COX7B2: variants seen among roughly 807,000 people sequenced by gnomAD.
The protein encoded by COX7B2 is cytochrome c oxidase subunit 7B2, mitochondrial.
For synonymous variants in COX7B2, 37 were observed against 32.1 expected (o/e 1.15, Z -0.51); for missense variants, 109 against 95.9 (o/e 1.14, Z -0.57).
intron 2 of COX7B2, among the ~76,000 whole-genome samples, chr4:46,833,579 T>C (rs1236365264): frequency 6.6e-6 from 1 of 152,080 alleles, no homozygotes; most frequent in Non-Finnish European, 1.5e-5. Flanking sequence ...GAAAAATCTA[T>C]AGGAGTGTTT....
intron 2 of COX7B2, among the ~76,000 whole-genome samples, chr4:46,822,375 G>T (rs1320236344): frequency 2.0e-5 from 3 of 147,622 alleles, no homozygotes; most frequent in African/African-American, 7.3e-5. Flanking sequence ...AAAAACTTGA[G>T]GAGATAAAAA....
chr4:46,835,188 A>T, intron 2 of COX7B2, among the ~76,000 whole-genome samples: 1 of 152,172 alleles, frequency 6.6e-6, no homozygotes, highest in East Asian at 1.9e-4. Context: ...GTATGACAGC[A>T]TGACATAAAG....
chr4:46,783,613 T>A (rs1161372651), intron 2 of COX7B2, among the ~76,000 whole-genome samples: 1 of 152,200 alleles, frequency 6.6e-6, no homozygotes, highest in African/African-American at 2.4e-5. Context: ...TTCTGTTTAC[T>A]TAAAGCTTTC....
intron 2 of COX7B2, among the ~76,000 whole-genome samples, chr4:46,801,321 A>C (rs1370896372): frequency 6.6e-6 from 1 of 152,186 alleles, no homozygotes; most frequent in Admixed American, 6.5e-5. Context: ...TAGCAAAGAC[A>C]GGGAATCGAC....
chr4:46,903,701 C>A (rs959050205), intron 1 of COX7B2, among the ~76,000 whole-genome samples: 2 of 152,134 alleles, frequency 1.3e-5, no homozygotes, highest in Non-Finnish European at 2.9e-5. Context: ...TGTTTAACTA[C>A]ACAAATACTG....
At chr4:46,806,188 C>A (rs987116209) in intron 2 of COX7B2, among the ~76,000 whole-genome samples, 2 of 151,982 alleles carry the variant, frequency 1.3e-5, no homozygotes, top group Non-Finnish European at 2.9e-5. Flanking sequence ...CTGCAATCTT[C>A]TTCCTTTTAT....
intron 2 of COX7B2, among the ~76,000 whole-genome samples, chr4:46,744,108 G>GT (rs201092915): frequency 9.9e-4 from 147 of 147,950 alleles, no homozygotes; most frequent in Middle Eastern, 3.5e-3. Flanking sequence ...TGGTCCCATA[G>GT]TTTTTTTTTT....
At chr4:46,833,700 T>A (rs1348096517) in intron 2 of COX7B2, among the ~76,000 whole-genome samples, 1 of 152,170 alleles carries the variant, frequency 6.6e-6, no homozygotes, top group Non-Finnish European at 1.5e-5. Flanking sequence ...ATACTGTGAC[T>A]TTAACAGTTG....
At chr4:46,791,427 A>G (rs1718041333) in intron 2 of COX7B2, among the ~76,000 whole-genome samples, 1 of 152,198 alleles carries the variant, frequency 6.6e-6, no homozygotes, top group Non-Finnish European at 1.5e-5. Context: ...TTATAGGTGA[A>G]TCTTAACTCG....
chr4:46,817,963 A>G (rs1181095249), intron 2 of COX7B2, among the ~76,000 whole-genome samples: 1 of 152,234 alleles, frequency 6.6e-6, no homozygotes, highest in Non-Finnish European at 1.5e-5. Context: ...GGAACTGATT[A>G]GAAATTTAAA....
intron 2 of COX7B2, among the ~76,000 whole-genome samples, chr4:46,764,491 C>G (rs748022033): frequency 6.6e-6 from 1 of 151,400 alleles, no homozygotes; most frequent in Admixed American, 6.6e-5. Flanking sequence ...TGCAGTGAGC[C>G]GAGATCAGGC....
intron 2 of COX7B2, among the ~76,000 whole-genome samples, chr4:46,824,692 T>C (rs193265454): frequency 9.1e-4 from 134 of 147,506 alleles, no homozygotes; most frequent in African/African-American, 3.0e-3. Context: ...CATTATCAAG[T>C]AGGCTTCATC....
chr4:46,769,871 G>C (rs1225603165), intron 2 of COX7B2, among the ~76,000 whole-genome samples: 1 of 151,986 alleles, frequency 6.6e-6, no homozygotes, highest in African/African-American at 2.4e-5. Context: ...TATACAATAA[G>C]CCCACAGCTA....
At chr4:46,772,480 A>G (rs1716930718) in intron 2 of COX7B2, among the ~76,000 whole-genome samples, 1 of 152,188 alleles carries the variant, frequency 6.6e-6, no homozygotes, top group African/African-American at 2.4e-5. Context: ...GAGGTCATGA[A>G]TATGTTAATT....
At chr4:46,858,283 G>C (rs527814354) in intron 1 of COX7B2, among the ~76,000 whole-genome samples, 1 of 151,892 alleles carries the variant, frequency 6.6e-6, no homozygotes, top group Non-Finnish European at 1.5e-5. Context: ...TAGTAGAGAT[G>C]GGGGGGTTCG....
At chr4:46,777,370 G>A (rs1577693137) in intron 2 of COX7B2, among the ~76,000 whole-genome samples, 1 of 152,066 alleles carries the variant, frequency 6.6e-6, no homozygotes. Context: ...GGGGAAAGTG[G>A]AGTGCCAGAG....
chr4:46,810,214 A>T (rs1719219020), intron 2 of COX7B2, among the ~76,000 whole-genome samples: 1 of 151,958 alleles, frequency 6.6e-6, no homozygotes, highest in East Asian at 1.9e-4. Context: ...ATGTAAATGG[A>T]TCAAATTATC....
Position 46,876,153 on chromosome 4 carries a change from A to G in COX7B2, c.-104-31139T>C, listed in dbSNP as rs1273416545. Among the ~76,000 whole-genome samples, 3 of 152,214 alleles carry G rather than the reference A, an allele frequency of 2.0e-5. No individual in the cohort carries two copies. In the East Asian group the frequency reaches 5.8e-4, roughly 29 times the overall value. ...AAACTCAACATGATATGCTTTAAAA[A>G]GAACAAAAGGTTTTAAAAATACAAC... On this transcript the variant is annotated intron_variant, in intron 1 of 2. Transcript: ENST00000355591.
At chr4:46,755,524 G>A (rs1042375689) in intron 2 of COX7B2, among the ~76,000 whole-genome samples, 7 of 151,988 alleles carry the variant, frequency 4.6e-5, no homozygotes, top group Admixed American at 2.6e-4. Context: ...GGAAGTCAAC[G>A]TATCCCTGTT....
Sources: gnomAD v4.1 joint callset for allele counts (sites outside exome capture counted in the v4.1 genomes callset) on GRCh38, gnomAD v4.1.1 for gene constraint, MANE v1.5 for transcripts, NCBI Gene and HGNC (gene_info 2026-07-23, HGNC 2026-07-21) for gene names.